ARHGAP42: variants seen among roughly 807,000 people sequenced by gnomAD.
The protein encoded by ARHGAP42 is Rho GTPase activating protein 42, also known as rho GTPase-activating protein 42.
ARHGAP42 carries 63 observed loss-of-function variants against 125.0 expected under a neutral mutation model. That is an observed-to-expected ratio of 0.50 (90% CI 0.41 to 0.62). The LOEUF (loss-of-function observed/expected upper bound fraction) is 0.62. Ranked by LOEUF, ARHGAP42 falls within the 20% of genes least tolerant of loss-of-function variation. The pLI, the probability that ARHGAP42 is intolerant of heterozygous loss-of-function variation, is 0.00. For missense variants in ARHGAP42, 766 were observed against 1,024.2 expected, an observed-to-expected ratio of 0.75 and a Z score of 3.44; for synonymous variants, 339 against 351.0, an observed-to-expected ratio of 0.97 and a Z score of 0.38.
intron 4 of ARHGAP42, among the ~76,000 whole-genome samples, chr11:100,885,625 A>T (rs566398591): frequency 6.6e-6 from 1 of 152,304 alleles, no homozygotes; most frequent in East Asian, 1.9e-4. Context: ...TATTTTTGAA[A>T]ATTTATTTAT....
At chr11:100,698,649 C>CTA (rs1243529476) in intron 1 of ARHGAP42, among the ~76,000 whole-genome samples, 1 of 152,008 alleles carries the variant, frequency 6.6e-6, no homozygotes, top group African/African-American at 2.4e-5. Context: ...CCATTGTACT[C>CTA]TAGACAATGT....
At chr11:100,967,970 C>T (rs1034513775) in intron 17 of ARHGAP42, among the ~76,000 whole-genome samples, 1 of 152,182 alleles carries the variant, frequency 6.6e-6, no homozygotes. Context: ...GATGCACCCG[C>T]CTCAACATCC....
intron 7 of ARHGAP42, 83 bp downstream of exon 7, chr11:100,933,343 G>C (rs554625788): frequency 4.4e-5 from 44 of 1,004,928 alleles, no homozygotes; most frequent in Non-Finnish European, 6.0e-5. Flanking sequence ...TTTTTTTCTA[G>C]CTGCTAGTGG....
intron 3 of ARHGAP42, among the ~76,000 whole-genome samples, chr11:100,835,150 T>C (rs1035239709): frequency 1.3e-5 from 2 of 152,016 alleles, no homozygotes; most frequent in African/African-American, 4.8e-5. Context: ...CTCAAGGCCT[T>C]TGGATATAAA....
At chr11:100,710,340 C>T (rs983354937) in intron 1 of ARHGAP42, among the ~76,000 whole-genome samples, 13 of 151,482 alleles carry the variant, frequency 8.6e-5, no homozygotes, top group East Asian at 3.9e-4. Flanking sequence ...GATTCTCCTG[C>T]GTCAGCCTCC....
At chr11:100,945,553 G>A (rs1041671749) in intron 10 of ARHGAP42, among the ~76,000 whole-genome samples, 2 of 152,016 alleles carry the variant, frequency 1.3e-5, no homozygotes, top group Non-Finnish European at 2.9e-5. Flanking sequence ...CTTATTCCTT[G>A]ATCCATGTGC....
intron 3 of ARHGAP42, among the ~76,000 whole-genome samples, chr11:100,800,172 G>A (rs1383285384): frequency 1.3e-5 from 2 of 152,184 alleles, no homozygotes; most frequent in African/African-American, 4.8e-5. Context: ...TCAAGTTGAT[G>A]GTTGGCTCAG....
chr11:100,870,976 G>A (rs74916781), intron 4 of ARHGAP42, among the ~76,000 whole-genome samples: 1 of 149,890 alleles, frequency 6.7e-6, no homozygotes, highest in African/African-American at 2.5e-5. Flanking sequence ...ATTTTCCAAA[G>A]AATTGTAATA....
At chr11:100,979,122 C>CTT (rs2135324910) in intron 22 of ARHGAP42, 73 bp downstream of exon 22, 1 of 1,407,582 alleles carries the variant, frequency 7.1e-7, no homozygotes, top group East Asian at 2.5e-5. Context: ...ACATGACACT[C>CTT]TCTGTGACAG....
chr11:100,782,388 A>T (rs796458791), intron 2 of ARHGAP42, among the ~76,000 whole-genome samples: 2 of 152,364 alleles, frequency 1.3e-5, no homozygotes, highest in African/African-American at 4.8e-5. Context: ...ATATAATTTC[A>T]ATTTTGACAT....
At chr11:100,824,222 G>T (rs1465054952) in intron 3 of ARHGAP42, among the ~76,000 whole-genome samples, 1 of 152,170 alleles carries the variant, frequency 6.6e-6, no homozygotes, top group African/African-American at 2.4e-5. Flanking sequence ...GTAGCATAGA[G>T]TTAGTATTCA....
chr11:100,855,511 A>G (rs1865303223), intron 3 of ARHGAP42, among the ~76,000 whole-genome samples: 1 of 152,118 alleles, frequency 6.6e-6, no homozygotes, highest in South Asian at 2.1e-4. Flanking sequence ...TTCCTATCAG[A>G]TAGCACTTGA....
chr11:100,756,481 G>A (rs1270748967), intron 1 of ARHGAP42, among the ~76,000 whole-genome samples: 2 of 152,146 alleles, frequency 1.3e-5, no homozygotes, highest in African/African-American at 4.8e-5. Context: ...CCTAAAATTT[G>A]TAGTATTTGT....
At chr11:100,766,222 G>GGTGTGT (rs145892062) in intron 1 of ARHGAP42, among the ~76,000 whole-genome samples, 119 of 149,222 alleles carry the variant, frequency 8.0e-4, no homozygotes, top group African/African-American at 1.5e-3. Context: ...AAGGATGTGG[G>GGTGTGT]GTGTGTGTGT....
chr11:100,701,737 A>G (rs753528201), intron 1 of ARHGAP42, among the ~76,000 whole-genome samples: 3 of 152,192 alleles, frequency 2.0e-5, no homozygotes, highest in Non-Finnish European at 4.4e-5. Flanking sequence ...GGCTGGTTTC[A>G]TCTTCTCTAC....
At chr11:100,875,101 CTCTCTCTGTGTG>C (rs1437377199) in intron 4 of ARHGAP42, among the ~76,000 whole-genome samples, 389 of 93,388 alleles carry the variant, frequency 4.2e-3, no homozygotes, top group East Asian at 0.026. Flanking sequence ...CTCTCTCTCT[CTCTCTCTGTGTG>C]TGTGTGTGTG....
At chr11:100,922,380 A>G (rs1415194603) in intron 6 of ARHGAP42, among the ~76,000 whole-genome samples, 4 of 152,012 alleles carry the variant, frequency 2.6e-5, no homozygotes, top group African/African-American at 9.7e-5. Context: ...ATTTTTTAGC[A>G]TTTTTTTCAA....
At chr11:100,933,430 A>G (rs914091249) in intron 7 of ARHGAP42, among the ~76,000 whole-genome samples, 170 bp downstream of exon 7, 1 of 152,206 alleles carries the variant, frequency 6.6e-6, no homozygotes, top group East Asian at 1.9e-4. Context: ...AATATTACCC[A>G]GTTGGAGACA....
chr11:100,976,345 C>T lies in ARHGAP42; in HGVS notation c.2144C>T (p.Pro715Leu), dbSNP rs1181657583. 4.5e-6 allele frequency: 7 copies of T among 1,551,508 alleles called. No individual in the cohort carries two copies. Among genetic ancestry groups the T allele is most frequent in the East Asian group, 2.4e-5 (1 of 40,918 alleles). ...GTCACTAGCCCAGGAGACGTTTCCCCACCCATAGACCTAGTCAAGAAAGAG... is the reference window on the plus strand; with the variant it reads ...GTCACTAGCCCAGGAGACGTTTCCCTACCCATAGACCTAGTCAAGAAAGAG... ...ASVTSPGDVS[P>L]PIDLVKKEPY... The change falls in exon 20 of 24, where the codon CCA becomes CTA. Residue 715 changes from proline to leucine, a missense_variant. Around this residue, in one of 3 missense-constraint regions of ARHGAP42, gnomAD observed 308 missense variants for 369.7 expected, o/e 0.83. Coordinates refer to ENST00000298815, the MANE Select transcript of ARHGAP42 (RefSeq NM_152432.4).
Sources: allele counts gnomAD v4.1 joint callset (sites outside exome capture counted in the v4.1 genomes callset), GRCh38; gene constraint gnomAD v4.1.1; regional missense constraint gnomAD v4.1.1; transcripts MANE v1.5; gene names NCBI Gene and HGNC (gene_info 2026-07-23, HGNC 2026-07-21).